The following CSMD1 variants were observed in gnomAD, a reference collection of about 807,000 sequenced individuals.
CSMD1 encodes CUB and Sushi multiple domains 1, also known as CUB and sushi domain-containing protein 1.
Under a neutral mutation model 417.5 loss-of-function variants are expected in CSMD1, and 213 were observed. The ratio of observed to expected loss-of-function variants is 0.51; its 90% CI spans 0.46 to 0.57. CSMD1 has a LOEUF of 0.57. Ranked by LOEUF, CSMD1 falls within the 20% of genes least tolerant of loss-of-function variation. The probability of loss-of-function intolerance (pLI) is 0.00; values close to 1 mark genes in which losing one functional copy is unlikely to be tolerated. For missense variants in CSMD1, 6,923 were observed against 4,529.7 expected, an observed-to-expected ratio of 1.53 and a Z score of -15.17; for synonymous variants, 2,862 against 1,736.8, an observed-to-expected ratio of 1.65 and a Z score of -16.11.
At chr8:4,400,118 G>A (rs953099018) in intron 3 of CSMD1, among the ~76,000 whole-genome samples, 1 of 152,152 alleles carries the variant, frequency 6.6e-6, no homozygotes, top group Admixed American at 6.5e-5. Context: ...TATACTCTCT[G>A]CTCTATAGTA....
intron 1 of CSMD1, among the ~76,000 whole-genome samples, chr8:4,717,114 T>A (rs1406779365): frequency 6.6e-6 from 1 of 151,778 alleles, no homozygotes; most frequent in East Asian, 1.9e-4. Flanking sequence ...TATTTTTTTC[T>A]AATCATGAGA....
intron 8 of CSMD1, among the ~76,000 whole-genome samples, chr8:3,616,508 G>C (rs528652418): frequency 6.6e-6 from 1 of 151,818 alleles, no homozygotes; most frequent in Admixed American, 6.6e-5. Context: ...GTGTGAGAAG[G>C]GACTAATACA....
intron 2 of CSMD1, among the ~76,000 whole-genome samples, chr8:4,581,898 A>G (rs892346590): frequency 2.6e-5 from 4 of 152,216 alleles, no homozygotes; most frequent in African/African-American, 9.6e-5. Context: ...TGTCCCCTAC[A>G]TCCACCATCA....
At chr8:3,004,848 G>A (rs1442019182) in intron 52 of CSMD1, among the ~76,000 whole-genome samples, 1 of 152,146 alleles carries the variant, frequency 6.6e-6, no homozygotes, top group Admixed American at 6.5e-5. Context: ...ATTGGAATAA[G>A]AATACCGTGG....
intron 26 of CSMD1, among the ~76,000 whole-genome samples, chr8:3,231,730 G>C (rs1212585477): frequency 1.3e-5 from 2 of 152,148 alleles, no homozygotes; most frequent in African/African-American, 4.8e-5. Context: ...ATATGATACA[G>C]ACATCAAGGA....
At chr8:3,785,485 G>C (rs1408658016) in intron 5 of CSMD1, among the ~76,000 whole-genome samples, 2 of 152,214 alleles carry the variant, frequency 1.3e-5, no homozygotes, top group Admixed American at 6.5e-5. Flanking sequence ...TTGTACTCTA[G>C]TGTTGGAAAA....
At chr8:3,893,235 T>G (rs1458303480) in intron 5 of CSMD1, among the ~76,000 whole-genome samples, 1 of 150,558 alleles carries the variant, frequency 6.6e-6, no homozygotes, top group Non-Finnish European at 1.5e-5. Flanking sequence ...AACACATTTT[T>G]TCTTCTTCTT....
At chr8:4,193,193 A>G (rs988508957) in intron 3 of CSMD1, among the ~76,000 whole-genome samples, 1 of 152,218 alleles carries the variant, frequency 6.6e-6, no homozygotes, top group East Asian at 1.9e-4. Flanking sequence ...CTTTGGAGTC[A>G]TAAGCAGGGC....
chr8:3,586,294 A>T (rs575796199), intron 8 of CSMD1, 34 bp from the exon 9 acceptor site: 3 of 1,535,648 alleles, frequency 2.0e-6, no homozygotes, highest in East Asian at 4.6e-5. Context: ...AAAAACCCAA[A>T]TTATTTACAG....
At chr8:4,740,298 G>A (rs574689935) in intron 1 of CSMD1, among the ~76,000 whole-genome samples, 2 of 152,230 alleles carry the variant, frequency 1.3e-5, no homozygotes, top group East Asian at 3.9e-4. Flanking sequence ...CTTTATTATA[G>A]GGTCTTACAT....
intron 5 of CSMD1, among the ~76,000 whole-genome samples, chr8:3,809,908 A>C (rs749823073): frequency 1.3e-5 from 2 of 152,114 alleles, no homozygotes; most frequent in African/African-American, 4.8e-5. Context: ...CCCATCTTTA[A>C]TCTAATCCTC....
intron 22 of CSMD1, among the ~76,000 whole-genome samples, chr8:3,344,306 C>A (rs543617299): frequency 6.6e-6 from 1 of 152,156 alleles, no homozygotes; most frequent in African/African-American, 2.4e-5. Context: ...GTAACAGAAA[C>A]AGCACTGACT....
intron 6 of CSMD1, among the ~76,000 whole-genome samples, chr8:3,730,863 T>G (rs1014017993): frequency 7.2e-5 from 11 of 152,178 alleles, no homozygotes; most frequent in African/African-American, 2.4e-4. Context: ...CTAGAGGTGA[T>G]AAGAGAGAGT....
intron 12 of CSMD1, among the ~76,000 whole-genome samples, chr8:3,431,487 C>T (rs137982867): frequency 5.5e-4 from 84 of 152,212 alleles, no homozygotes; most frequent in Middle Eastern, 6.8e-3. Flanking sequence ...TTCATCTTGC[C>T]GCCTCCCTGA....
At chr8:3,518,909 G>C (rs924788446) in intron 10 of CSMD1, among the ~76,000 whole-genome samples, 10 of 152,184 alleles carry the variant, frequency 6.6e-5, no homozygotes, top group Non-Finnish European at 8.8e-5. Flanking sequence ...CTTATCCTGA[G>C]AGCTGTTGAA....
intron 5 of CSMD1, among the ~76,000 whole-genome samples, chr8:3,884,909 C>T (rs1284573061): frequency 1.4e-5 from 2 of 142,734 alleles, no homozygotes; most frequent in South Asian, 2.1e-4. Flanking sequence ...TAAAGGCCTT[C>T]TAAATATATA....
intron 5 of CSMD1, among the ~76,000 whole-genome samples, chr8:3,900,085 G>C (rs1004023248): frequency 8.6e-5 from 13 of 152,008 alleles, no homozygotes; most frequent in African/African-American, 3.1e-4. Flanking sequence ...TGACAGTGCA[G>C]CTGTGTGATG....
chr8:4,141,728 C>T (rs34275437), intron 3 of CSMD1, among the ~76,000 whole-genome samples: 45,239 of 150,744 alleles, frequency 0.3, 8,423 homozygotes, highest in Non-Finnish European at 0.39. Flanking sequence ...AATCTTGCAA[C>T]TAAAAACGGA....
At position 3,831,227 on chromosome 8, in the gene CSMD1, A is replaced by G. The variant is rs116404735; in HGVS notation, c.819-77185T>C. Among the ~76,000 whole-genome samples, 1,416 of 151,774 alleles carry G rather than the reference A, an allele frequency of 9.3e-3. 34 individuals are homozygous for G. The highest frequency in any genetic ancestry group is 0.031 in the African/African-American group (1,297 of 41,226). On this transcript the variant is annotated intron_variant, in intron 5 of 69. Transcript: ENST00000635120. The stretch of plus-strand genomic sequence containing the variant: ...CACAAAAGCATGTGGAAAGTTAAAT[A>G]AAAAAAACAAAGTTTTGAGAGAATA...
Sources: allele counts gnomAD v4.1 joint callset (sites outside exome capture counted in the v4.1 genomes callset), GRCh38; gene constraint gnomAD v4.1.1; transcripts MANE v1.5; gene names NCBI Gene and HGNC (gene_info 2026-07-23, HGNC 2026-07-21).